ANKS1B: variants seen among roughly 807,000 people sequenced by gnomAD.
ANKS1B encodes ankyrin repeat and sterile alpha motif domain containing 1B.
ANKS1B carries 36 observed loss-of-function variants against 148.3 expected under a neutral mutation model. That is an observed-to-expected ratio of 0.24 (90% CI 0.19 to 0.32). The LOEUF is 0.32. ANKS1B is among the 10% of genes least tolerant of loss of function. The pLI is 1.00. For synonymous variants in ANKS1B, 542 were observed against 560.8 expected, an observed-to-expected ratio of 0.97 and a Z score of 0.47; for missense variants, 1,157 against 1,542.6, an observed-to-expected ratio of 0.75 and a Z score of 4.19.
At position 99,535,609 on chromosome 12, in the gene ANKS1B, A is replaced by G. The variant is rs549109792; in HGVS notation, c.1273-30968T>C. On this transcript the variant is annotated intron_variant, in intron 9 of 26. Transcript: ENST00000683438. ...CCTTCTTTATTTCATTTTCCATTCA[A>G]CTGTATGCCAAGGCTCTACTTTGAG... 5.3e-5 allele frequency among the ~76,000 whole-genome samples: 8 copies of G among 152,148 alleles called. No homozygotes were observed. In the South Asian group the frequency reaches 6.2e-4, roughly 12 times the overall value.
At chr12:99,330,096 C>T (rs905746419) in intron 12 of ANKS1B, among the ~76,000 whole-genome samples, 2 of 151,852 alleles carry the variant, frequency 1.3e-5, no homozygotes, top group Non-Finnish European at 2.9e-5. Context: ...TTCAGTTCAC[C>T]TTATCTAAGT....
intron 8 of ANKS1B, among the ~76,000 whole-genome samples, chr12:99,733,031 A>G (rs2059313830): frequency 6.7e-6 from 1 of 148,980 alleles, no homozygotes; most frequent in Non-Finnish European, 1.5e-5. Context: ...AAAAAAAAAA[A>G]GAGCAAGAGC....
Position 99,775,017 on chromosome 12 carries a change from T to C in ANKS1B, c.961+531A>G, listed in dbSNP as rs2063527270. 2.0e-5 allele frequency among the ~76,000 whole-genome samples: 3 copies of C among 151,990 alleles called. No individual in the cohort carries two copies. The South Asian group carries it at 6.2e-4, about 31-fold the overall frequency. ...GGGAGTGGAGGAGATGGGAAAGTGT[T>C]GATCAAAGGGTACAAAGGTTCAGTT... On this transcript the variant is annotated intron_variant, in intron 7 of 26. Transcript: ENST00000683438.
At chr12:99,613,441 G>T (rs1465204919) in intron 9 of ANKS1B, among the ~76,000 whole-genome samples, 1 of 151,920 alleles carries the variant, frequency 6.6e-6, no homozygotes, top group South Asian at 2.1e-4. Context: ...GCAAAAACTT[G>T]GAATCAACCC....
intron 17 of ANKS1B, chr12:98,894,797 C>G: frequency 1.0e-6 from 1 of 984,636 alleles, no homozygotes; most frequent in Non-Finnish European, 1.2e-6. Flanking sequence ...GCGAGCGCGC[C>G]GAGGAAGGGC....
intron 8 of ANKS1B, among the ~76,000 whole-genome samples, chr12:99,770,641 T>C (rs1256786770): frequency 6.6e-6 from 1 of 152,122 alleles, no homozygotes; most frequent in East Asian, 1.9e-4. Context: ...ATGATGTCTT[T>C]TATCTGCCCA....
intron 12 of ANKS1B, among the ~76,000 whole-genome samples, chr12:99,268,516 A>G (rs1228825961): frequency 6.6e-6 from 1 of 152,162 alleles, no homozygotes; most frequent in African/African-American, 2.4e-5. Context: ...GGCCTCTTCT[A>G]TGAGGGCCAC....
At chr12:99,193,348 A>G (rs1462801226) in intron 14 of ANKS1B, among the ~76,000 whole-genome samples, 1 of 152,162 alleles carries the variant, frequency 6.6e-6, no homozygotes, top group African/African-American at 2.4e-5. Flanking sequence ...CTCACACCAC[A>G]CAGGTCCTAC....
At chr12:99,884,053 T>C (rs376917796) in intron 1 of ANKS1B, among the ~76,000 whole-genome samples, 6 of 152,130 alleles carry the variant, frequency 3.9e-5, no homozygotes, top group Middle Eastern at 3.4e-3. Flanking sequence ...AGAAGATACA[T>C]AGATACTAGG....
chr12:99,391,171 G>A (rs2094052370), intron 12 of ANKS1B, among the ~76,000 whole-genome samples: 1 of 152,084 alleles, frequency 6.6e-6, no homozygotes, highest in African/African-American at 2.4e-5. Context: ...GCCCTCTTTT[G>A]TTACTCTCCA....
intron 1 of ANKS1B, among the ~76,000 whole-genome samples, chr12:99,838,086 G>C (rs1370730325): frequency 6.6e-6 from 1 of 152,010 alleles, no homozygotes; most frequent in East Asian, 1.9e-4. Context: ...CTCCATCCAA[G>C]TTGCCAAAGA....
At chr12:98,737,402 A>G (rs576947025) in intron 9 of ANKS1B, among the ~76,000 whole-genome samples, 1 of 152,194 alleles carries the variant, frequency 6.6e-6, no homozygotes. Context: ...TCAAGAGCTG[A>G]AGGGCTGCCC....
At chr12:99,735,977 A>G (rs2153574620) in intron 8 of ANKS1B, among the ~76,000 whole-genome samples, 1 of 152,150 alleles carries the variant, frequency 6.6e-6, no homozygotes. Context: ...ATGAATAAAC[A>G]TAATATATCA....
At chr12:99,203,686 C>T (rs181488175) in intron 14 of ANKS1B, among the ~76,000 whole-genome samples, 30 of 152,236 alleles carry the variant, frequency 2.0e-4, no homozygotes, top group Admixed American at 1.8e-3. Context: ...CTCCTGACCT[C>T]GTGATCCACC....
intron 20 of ANKS1B, among the ~76,000 whole-genome samples, chr12:98,804,448 A>G (rs920000423): frequency 6.6e-6 from 1 of 151,680 alleles, no homozygotes. Context: ...TTAGATCTAA[A>G]AGTATTTAGA....
intron 8 of ANKS1B, among the ~76,000 whole-genome samples, chr12:99,749,564 A>C (rs7485177): frequency 0.44 from 66,382 of 151,890 alleles, 14,914 homozygotes; most frequent in South Asian, 0.61. Flanking sequence ...ATCAGAAAAT[A>C]AGATATGGCA....
At chr12:99,674,691 T>C (rs1239616158) in intron 8 of ANKS1B, among the ~76,000 whole-genome samples, 1 of 151,774 alleles carries the variant, frequency 6.6e-6, no homozygotes. Flanking sequence ...TGAAGTCTTC[T>C]GTGGGAAAAA....
intron 12 of ANKS1B, among the ~76,000 whole-genome samples, chr12:99,352,659 C>A (rs1215081325): frequency 6.6e-6 from 1 of 151,896 alleles, no homozygotes; most frequent in Admixed American, 6.6e-5. Flanking sequence ...AGAGGCCATC[C>A]CCATCAGGCA....
chr12:99,112,943 A>AG (rs2060599616), intron 15 of ANKS1B, among the ~76,000 whole-genome samples: 1 of 152,238 alleles, frequency 6.6e-6, no homozygotes, highest in Non-Finnish European at 1.5e-5. Context: ...AATAAGACAC[A>AG]ATCCTCAGCA....
Sources: gnomAD v4.1 joint callset for allele counts (sites outside exome capture counted in the v4.1 genomes callset) on GRCh38, gnomAD v4.1.1 for gene constraint, MANE v1.5 for transcripts, NCBI Gene and HGNC (gene_info 2026-07-23, HGNC 2026-07-21) for gene names.